Variants in RIC3 observed in about 807,000 individuals in gnomAD.
RIC3 encodes RIC3 acetylcholine receptor chaperone, also known as protein RIC-3.
RIC3 carries 28 observed loss-of-function variants against 27.3 expected under a neutral mutation model. That is an observed-to-expected ratio of 1.02 (90% CI 0.76 to 1.41). The LOEUF (loss-of-function observed/expected upper bound fraction) is 1.41, where lower values mean the gene tolerates loss of function less well. Among genes scored for constraint, RIC3 ranks in the 40% most tolerant of loss-of-function variants. The pLI, the probability that RIC3 is intolerant of heterozygous loss-of-function variation, is 0.00. For missense variants in RIC3, 501 were observed against 444.7 expected (o/e 1.13, Z -1.14); for synonymous variants, 184 against 160.4 (o/e 1.15, Z -1.11).
intron 5 of RIC3, among the ~76,000 whole-genome samples, chr11:8,118,507 T>A (rs1946109967): frequency 1.1e-5 from 1 of 87,328 alleles, no homozygotes; most frequent in Admixed American, 1.3e-4. Flanking sequence ...AAGGAGCTAT[T>A]GAATAGAAAG....
intron 1 of RIC3, among the ~76,000 whole-genome samples, chr11:8,149,849 C>G (rs1279342980): frequency 6.6e-6 from 1 of 152,130 alleles, no homozygotes; most frequent in East Asian, 1.9e-4. Flanking sequence ...TCAAAAAAAT[C>G]CACCACTGCT....
intron 5 of RIC3, among the ~76,000 whole-genome samples, chr11:8,117,942 G>T (rs918185591): frequency 2.0e-5 from 3 of 152,034 alleles, no homozygotes; most frequent in Non-Finnish European, 2.9e-5. Flanking sequence ...CATCATTAAG[G>T]CTGGGCACGG....
chr11:8,097,698 C>A, the RIC3 span: 1 of 1,592,784 alleles, frequency 6.3e-7, no homozygotes, highest in Non-Finnish European at 8.6e-7. Context: ...AATATGACCT[C>A]ATTCCACTCC....
At chr11:8,136,221 CAG>C (rs1948393912) in intron 4 of RIC3, among the ~76,000 whole-genome samples, 13 of 152,170 alleles carry the variant, frequency 8.5e-5, no homozygotes, top group Non-Finnish European at 1.6e-4. Flanking sequence ...CAGCCAAAGA[CAG>C]GCAAGGCCGA....
chr11:8,132,191 G>A (rs572757110), intron 4 of RIC3, among the ~76,000 whole-genome samples: 8 of 152,256 alleles, frequency 5.3e-5, no homozygotes, highest in Non-Finnish European at 1.0e-4. Context: ...TTCCAGAAAG[G>A]AATACAGCCT....
intron 4 of RIC3, among the ~76,000 whole-genome samples, chr11:8,129,675 T>C (rs1474778872): frequency 6.6e-6 from 1 of 152,204 alleles, no homozygotes; most frequent in African/African-American, 2.4e-5. Flanking sequence ...AAGTTCCAAA[T>C]GCAAGAGTTA....
At chr11:8,096,733 A>G in the RIC3 span, 195 of 1,614,036 alleles carry the variant, frequency 1.2e-4, 1 homozygote, top group South Asian at 2.1e-3. Context: ...GATGAGGAGG[A>G]GAATAGCTCC....
At chr11:8,115,842 A>G (rs1945804322) in intron 5 of RIC3, among the ~76,000 whole-genome samples, 1 of 152,250 alleles carries the variant, frequency 6.6e-6, no homozygotes, top group Non-Finnish European at 1.5e-5. Context: ...TACAGATTTA[A>G]TACAATCCCT....
chr11:8,143,722 G>C (rs1214949274), intron 1 of RIC3, among the ~76,000 whole-genome samples: 3 of 151,744 alleles, frequency 2.0e-5, no homozygotes, highest in Admixed American at 2.0e-4. Flanking sequence ...CATCGCCAAG[G>C]CAATCCTAAG....
Position 8,131,443 on chromosome 11 carries a change from T to C in RIC3, c.522-4636A>G, listed in dbSNP as rs553688921. Among the ~76,000 whole-genome samples the C allele has an allele frequency of 2.6e-5, 4 of 152,294 alleles. No individual in the cohort carries two copies. In the South Asian group the frequency reaches 8.3e-4, roughly 32 times the overall value. On this transcript the variant is annotated intron_variant, in intron 4 of 5. Transcript: ENST00000309737. ...GTTGGGGGATAGATGACAAATGCCA[T>C]CTTGGACATTCATTCATTCAACAGA...
chr11:8,159,979 A>C (rs944982400), intron 1 of RIC3, among the ~76,000 whole-genome samples: 1 of 152,100 alleles, frequency 6.6e-6, no homozygotes, highest in Non-Finnish European at 1.5e-5. Flanking sequence ...GAGAAAAAAC[A>C]AACAAAAAGA....
At chr11:8,112,484 G>C (rs1209211274) in intron 5 of RIC3, among the ~76,000 whole-genome samples, 1 of 151,942 alleles carries the variant, frequency 6.6e-6, no homozygotes, top group Non-Finnish European at 1.5e-5. Context: ...TAGCAGAGAC[G>C]GGGTTTCACT....
chr11:8,100,436 T>G, the RIC3 span: 1 of 1,261,740 alleles, frequency 7.9e-7, no homozygotes, highest in Non-Finnish European at 1.2e-6. Context: ...TTTATTCCCG[T>G]CCCCCCCACC....
rs1944762029 is a variant in RIC3, at chr11:8,107,203, A to C, written c.*3495T>G. ...ATGTTTTTTCTCAATATTGCTGAATAGCTAAAGCACTAAATTTTTCTTTGG... is the reference window on the plus strand; with the variant it reads ...ATGTTTTTTCTCAATATTGCTGAATCGCTAAAGCACTAAATTTTTCTTTGG... On this transcript the variant is annotated 3_prime_UTR_variant, in exon 6 of 6. Transcript: ENST00000309737. 1 of 152,252 alleles carries C rather than the reference A, an allele frequency of 6.6e-6. No individual in the cohort carries two copies. Among genetic ancestry groups the C allele is most frequent in the African/African-American group, 2.4e-5 (1 of 41,468 alleles). The allele number at this position is 152,252 out of a possible 1,614,324, so 9.4% of individuals were successfully genotyped here.
chr11:8,096,699 A>C, the RIC3 span: 1 of 1,610,200 alleles, frequency 6.2e-7, no homozygotes. Context: ...CTCCAGCAGC[A>C]TGAGCTTTGA....
rs1457551704 is a variant in RIC3, at chr11:8,106,857, TA to T, written c.*3840del. 1 of 152,178 alleles carries T rather than the reference TA, an allele frequency of 6.6e-6. No individual in the cohort carries two copies. Among genetic ancestry groups the T allele is most frequent in the Non-Finnish European group, 1.5e-5 (1 of 68,030 alleles). 9.4% of individuals were successfully genotyped at this position (152,178 alleles called of 1,614,324 possible). On this transcript the variant is annotated 3_prime_UTR_variant, in exon 6 of 6. Coordinates refer to ENST00000309737, the MANE Select transcript of RIC3 (RefSeq NM_001206671.4). Reference sequence around the variant, plus strand: ...CCTGGGCCACTCCTGGCAATCAGGGTAGCCTTAGAGGGTGTCAGGTGTGACA... The same window carrying T: ...CCTGGGCCACTCCTGGCAATCAGGGTGCCTTAGAGGGTGTCAGGTGTGACA...
intron 3 of RIC3, among the ~76,000 whole-genome samples, chr11:8,137,888 A>C (rs1166915284): frequency 1.3e-5 from 2 of 152,222 alleles, no homozygotes; most frequent in East Asian, 3.8e-4. Flanking sequence ...TTGTATAATA[A>C]GTATCTGATG....
intron 4 of RIC3, among the ~76,000 whole-genome samples, chr11:8,130,237 T>C (rs1947522543): frequency 1.3e-5 from 2 of 151,864 alleles, no homozygotes; most frequent in African/African-American, 4.9e-5. Flanking sequence ...TCCCCTTGAC[T>C]GCAGGGATTG....
intron 1 of RIC3, among the ~76,000 whole-genome samples, chr11:8,147,812 C>G (rs1216246998): frequency 6.6e-6 from 1 of 151,000 alleles, no homozygotes; most frequent in African/African-American, 2.4e-5. Context: ...ATTGCAACCT[C>G]CGACTCCCTG....
Sources: allele counts gnomAD v4.1 joint callset (sites outside exome capture counted in the v4.1 genomes callset), GRCh38; gene constraint gnomAD v4.1.1; transcripts MANE v1.5; gene names NCBI Gene and HGNC (gene_info 2026-07-23, HGNC 2026-07-21).